Variants in ARID3B observed in about 807,000 individuals in gnomAD.
The protein encoded by ARID3B is AT-rich interactive domain-containing protein 3B.
ARID3B carries 10 observed loss-of-function variants against 51.9 expected under a neutral mutation model. The ratio of observed to expected loss-of-function variants is 0.19; its 90% CI spans 0.12 to 0.33. ARID3B has a LOEUF of 0.33. Among genes scored for constraint, ARID3B ranks in the 10% least tolerant of loss-of-function variants. ARID3B has a pLI of 1.00. For synonymous variants in ARID3B, 205 were observed against 279.5 expected (o/e 0.73, Z 2.66); for missense variants, 483 against 716.3 (o/e 0.67, Z 3.72).
intron 4 of ARID3B, among the ~76,000 whole-genome samples, chr15:74,578,012 C>T (rs1324616485): frequency 6.6e-6 from 1 of 151,452 alleles, no homozygotes; most frequent in Non-Finnish European, 1.5e-5. Flanking sequence ...CATGCACCAC[C>T]ATGCCTGGCT....
rs115135058 is a variant in ARID3B, at chr15:74,547,834, T to A, written c.552+3346T>A. On this transcript the variant is annotated intron_variant, in intron 2 of 8. Transcript: ENST00000346246. ...GCAAACCAACAGGAATACTCAGAAGTATTTTGCAAGATTTTGGGGTAAGGG... is the reference window on the plus strand; with the variant it reads ...GCAAACCAACAGGAATACTCAGAAGAATTTTGCAAGATTTTGGGGTAAGGG... Among the ~76,000 whole-genome samples, 498 of 152,370 alleles carry A rather than the reference T, an allele frequency of 3.3e-3. 6 individuals are homozygous for A. The highest frequency in any genetic ancestry group is 0.011 in the African/African-American group (478 of 41,582).
chr15:74,594,281 T>A (rs1176326964), intron 8 of ARID3B, among the ~76,000 whole-genome samples: 1 of 151,972 alleles, frequency 6.6e-6, no homozygotes, highest in East Asian at 1.9e-4. Flanking sequence ...ACCCCGTCTC[T>A]ACTAAAAATA....
rs2141480000 is a variant in ARID3B at position 74,591,050 on chromosome 15, T to A, written c.882-101T>A. Reference sequence around the variant, plus strand: ...AAGGTTGCAATCCTTTGCCCTAGAGTCCTGCCCAACAGAGACTGCTTCCAG... The same window carrying A: ...AAGGTTGCAATCCTTTGCCCTAGAGACCTGCCCAACAGAGACTGCTTCCAG... On this transcript the variant is annotated intron_variant, in intron 5 of 8. Transcript: ENST00000346246. The surrounding 1 kb of genome is among the most constrained non-coding windows in gnomAD (Gnocchi z 5.8). The A allele has an allele frequency of 6.7e-7, 1 of 1,502,770 alleles. No individual in the cohort carries two copies. Among genetic ancestry groups the A allele is most frequent in the East Asian group, 2.3e-5 (1 of 43,610 alleles). 93.1% of individuals were successfully genotyped at this position (1,502,770 alleles called of 1,614,324 possible). A position where few individuals can be genotyped will look rare whatever the true frequency, so the allele number is the denominator to read the frequency against.
At chr15:74,550,746 T>A (rs568233051) in intron 2 of ARID3B, among the ~76,000 whole-genome samples, 2 of 151,904 alleles carry the variant, frequency 1.3e-5, no homozygotes, top group East Asian at 3.9e-4. Flanking sequence ...CTGCTTCCAC[T>A]GCTTGCTTGC....
chr15:74,573,402 A>C, intron 4 of ARID3B, 198 bp downstream of exon 4: 1 of 608,672 alleles, frequency 1.6e-6, no homozygotes, highest in Non-Finnish European at 2.9e-6. Context: ...GGCACAAAGT[A>C]GATGGAATGA....
At chr15:74,562,956 G>C (rs1354478215) in intron 2 of ARID3B, among the ~76,000 whole-genome samples, 2 of 152,094 alleles carry the variant, frequency 1.3e-5, no homozygotes, top group African/African-American at 4.8e-5. Flanking sequence ...TTGCCTTCTA[G>C]ACCCCTTTTC....
rs75336733 is a variant in ARID3B, at chr15:74,593,013, A to G, written c.1421-125A>G. 3.8e-4 allele frequency: 268 copies of G among 711,438 alleles called. 2 individuals carry two copies. The highest frequency in any genetic ancestry group is 4.1e-4 in the Non-Finnish European group (177 of 429,262). 44.1% of individuals were successfully genotyped at this position (711,438 alleles called of 1,614,324 possible). On this transcript the variant is annotated intron_variant, in intron 7 of 8. Transcript: ENST00000346246. ...TCCTGCCATACCCTACACTCAGGAG[A>G]AGGTTACATAGATGCCTTTTAACAG...
Position 74,543,854 on chromosome 15 carries a change from A to G in ARID3B, c.-77-6A>G, listed in dbSNP as rs1238719918. On this transcript the variant is annotated splice_polypyrimidine_tract_variant and splice_region_variant and intron_variant, in intron 1 of 8. Transcript: ENST00000346246. ...TCCTTCTTTGTGGTTTCTGTTAATC[A>G]CTAAGGTTTAGACCCAGTGTGCCTG... The G allele has an allele frequency of 6.6e-7, 1 of 1,506,882 alleles. No individual in the cohort carries two copies. The highest frequency in any genetic ancestry group is 1.4e-5 in the African/African-American group (1 of 71,448). The allele number at this position is 1,506,882 out of a possible 1,614,324, so 93.3% of individuals were successfully genotyped here. A position where few individuals can be genotyped will look rare whatever the true frequency, so the allele number is the denominator to read the frequency against.
intron 4 of ARID3B, among the ~76,000 whole-genome samples, chr15:74,582,535 G>GATTA: frequency 6.6e-6 from 1 of 152,266 alleles, no homozygotes; most frequent in African/African-American, 2.4e-5. Context: ...CACCTAAAGA[G>GATTA]ATTAGTCCAA....
chr15:74,581,870 A>G (rs1164854698), intron 4 of ARID3B, among the ~76,000 whole-genome samples: 1 of 152,230 alleles, frequency 6.6e-6, no homozygotes, highest in Non-Finnish European at 1.5e-5. Flanking sequence ...TATTCAGTAA[A>G]TCATCTAAGA....
chr15:74,555,486 T>C (rs923042770), intron 2 of ARID3B, among the ~76,000 whole-genome samples: 13 of 152,122 alleles, frequency 8.5e-5, no homozygotes, highest in South Asian at 2.1e-4. Flanking sequence ...TGTGTCACCA[T>C]GCCCAACTAA....
At chr15:74,555,429 A>C (rs2061654017) in intron 2 of ARID3B, among the ~76,000 whole-genome samples, 1 of 151,998 alleles carries the variant, frequency 6.6e-6, no homozygotes, top group Non-Finnish European at 1.5e-5. Flanking sequence ...TGTTGGGCTC[A>C]TGTGATTCTC....
chr15:74,552,954 G>A (rs2040125186), intron 2 of ARID3B, among the ~76,000 whole-genome samples: 1 of 152,184 alleles, frequency 6.6e-6, no homozygotes, highest in Non-Finnish European at 1.5e-5. Flanking sequence ...ATACCAAGAA[G>A]CGTGATTGCT....
intron 7 of ARID3B, among the ~76,000 whole-genome samples, chr15:74,592,641 G>T (rs80067731): frequency 1.9e-3 from 288 of 152,364 alleles, no homozygotes; most frequent in African/African-American, 6.6e-3. Flanking sequence ...GGCCGTGTGT[G>T]CCAGCACTTG....
chr15:74,592,320 G>A (rs1047116018), intron 7 of ARID3B, among the ~76,000 whole-genome samples: 1 of 152,166 alleles, frequency 6.6e-6, no homozygotes, highest in Non-Finnish European at 1.5e-5. Flanking sequence ...TCTTCACATT[G>A]TTCTGGTGCC....
At chr15:74,561,676 C>A (rs1465740031) in intron 2 of ARID3B, among the ~76,000 whole-genome samples, 2 of 152,148 alleles carry the variant, frequency 1.3e-5, no homozygotes, top group African/African-American at 4.8e-5. Context: ...TAATAGTACC[C>A]ACTTCAGAGC....
At position 74,550,808 on chromosome 15, in the gene ARID3B, A is replaced by G. The variant is rs372342681; in HGVS notation, c.552+6320A>G. On this transcript the variant is annotated intron_variant, in intron 2 of 8. Coordinates refer to ENST00000346246, the MANE Select transcript of ARID3B (RefSeq NM_006465.4). The stretch of plus-strand genomic sequence containing the variant: ...TCTGCCTCTCTGAACCCATGCATCA[A>G]TCTATTCCAGAGGATGATAATCCTC... 3.3e-4 allele frequency among the ~76,000 whole-genome samples: 50 copies of G among 152,258 alleles called. No individual in the cohort carries two copies. The East Asian group carries it at 4.4e-3, about 14-fold the overall frequency.
At chr15:74,567,897 C>T (rs1324700945) in intron 2 of ARID3B, among the ~76,000 whole-genome samples, 1 of 152,170 alleles carries the variant, frequency 6.6e-6, no homozygotes, top group African/African-American at 2.4e-5. Flanking sequence ...TGGAGAAGCA[C>T]TATTCTAATT....
At chr15:74,577,057 T>C (rs547292322) in intron 4 of ARID3B, among the ~76,000 whole-genome samples, 21 of 152,164 alleles carry the variant, frequency 1.4e-4, no homozygotes, top group Non-Finnish European at 2.8e-4. Context: ...GCCGTGGCAG[T>C]GTATAGTTGG....
Sources: gnomAD v4.1 joint callset for allele counts (sites outside exome capture counted in the v4.1 genomes callset) on GRCh38, gnomAD v4.1.1 for gene constraint, Gnocchi (gnomAD v3.1) non-coding constraint, MANE v1.5 for transcripts, NCBI Gene and HGNC (gene_info 2026-07-23, HGNC 2026-07-21) for gene names.